RANBP2: variants seen among roughly 807,000 people sequenced by gnomAD.
The protein encoded by RANBP2 is E3 SUMO-protein ligase RanBP2.
In RANBP2, 57 loss-of-function variants were observed where a neutral mutation model predicts 303.6. That is an observed-to-expected ratio of 0.19 (90% CI 0.15 to 0.23). The LOEUF is 0.23. Ranked by LOEUF, RANBP2 falls within the 10% of genes least tolerant of loss-of-function variation. RANBP2 has a pLI of 1.00. For missense variants in RANBP2, 3,138 were observed against 3,780.8 expected (o/e 0.83, Z 4.46); for synonymous variants, 1,167 against 1,301.5 (o/e 0.90, Z 2.23).
the RANBP2 span, among the ~76,000 whole-genome samples, chr2:109,210,373 G>C: frequency 2.8e-4 from 42 of 152,298 alleles, no homozygotes; most frequent in South Asian, 8.7e-3. Flanking sequence ...GTCCAAAGCG[G>C]GAAAGCCTGG....
At chr2:109,042,168 C>G in the RANBP2 span, among the ~76,000 whole-genome samples, 4 of 152,158 alleles carry the variant, frequency 2.6e-5, no homozygotes, top group Non-Finnish European at 5.9e-5. Flanking sequence ...TTTTCCTAGT[C>G]TCAGAGCATT....
chr2:108,784,954 A>G lies in RANBP2; in HGVS notation c.*1053A>G, dbSNP rs1219482421. ...ACGTATTTGGAAATGGCTTGTATCA[A>G]ATGTTAGGCAAATTGCTAAAGAAAA... On this transcript the variant is annotated 3_prime_UTR_variant, in exon 29 of 29. Transcript: ENST00000283195. 1 of 152,234 alleles carries G rather than the reference A, an allele frequency of 6.6e-6. No individual in the cohort carries two copies. The highest frequency in any genetic ancestry group is 1.5e-5 in the Non-Finnish European group (1 of 68,034). 9.4% of individuals were successfully genotyped at this position (152,234 alleles called of 1,614,324 possible).
At chr2:109,113,591 T>C in the RANBP2 span, among the ~76,000 whole-genome samples, 3 of 152,224 alleles carry the variant, frequency 2.0e-5, no homozygotes, top group Admixed American at 1.3e-4. Context: ...CAGGGACAAT[T>C]TGACTTCCTC....
the RANBP2 span, among the ~76,000 whole-genome samples, chr2:109,630,409 A>G: frequency 1.2e-4 from 18 of 152,268 alleles, 1 homozygote; most frequent in South Asian, 3.7e-3. Context: ...CCAGGCAACC[A>G]GGGACCATCC....
chr2:109,544,151 G>T, the RANBP2 span: 13 of 1,551,330 alleles, frequency 8.4e-6, no homozygotes, highest in African/African-American at 1.4e-5. Flanking sequence ...TATTGACCTT[G>T]TACTTGAAAG....
At chr2:109,143,703 G>A in the RANBP2 span, among the ~76,000 whole-genome samples, 11 of 151,992 alleles carry the variant, frequency 7.2e-5, no homozygotes, top group South Asian at 2.1e-4. Context: ...GCAGTGAGCC[G>A]TGATCGCACC....
the RANBP2 span, among the ~76,000 whole-genome samples, chr2:108,865,112 T>G: frequency 1.3e-5 from 2 of 152,066 alleles, no homozygotes; most frequent in African/African-American, 4.8e-5. Context: ...TTCCTTTTTA[T>G]CACAGGAATG....
the RANBP2 span, among the ~76,000 whole-genome samples, chr2:108,903,326 T>C: frequency 2.0e-5 from 3 of 152,264 alleles, no homozygotes; most frequent in South Asian, 4.1e-4. Flanking sequence ...CAGATTGATA[T>C]ACAGTTTTGT....
the RANBP2 span, among the ~76,000 whole-genome samples, chr2:109,296,318 C>T: frequency 1.3e-5 from 2 of 152,096 alleles, no homozygotes; most frequent in South Asian, 4.1e-4. Context: ...ACCCCTGCCT[C>T]CCAGGTTCAA....
the RANBP2 span, among the ~76,000 whole-genome samples, chr2:109,208,385 A>T: frequency 6.6e-6 from 1 of 152,358 alleles, no homozygotes. Context: ...GTCTTCAGGG[A>T]TGGGCAGCTT....
intron 1 of RANBP2, among the ~76,000 whole-genome samples, chr2:108,725,770 C>T (rs1327384137): frequency 1.3e-5 from 2 of 149,962 alleles, no homozygotes; most frequent in Non-Finnish European, 3.0e-5. Flanking sequence ...TGTTCCTTTA[C>T]GTGCTGTCCT....
At chr2:109,586,195 T>G in the RANBP2 span, among the ~76,000 whole-genome samples, 1 of 152,298 alleles carries the variant, frequency 6.6e-6, no homozygotes. Context: ...TACATTAAAA[T>G]GTCAAGTGAA....
the RANBP2 span, among the ~76,000 whole-genome samples, chr2:109,059,575 C>CAA: frequency 2.5e-4 from 33 of 133,728 alleles, no homozygotes; most frequent in African/African-American, 7.1e-4. Flanking sequence ...GGCTCCGTCT[C>CAA]AAAAAAAAAA....
chr2:109,516,262 C>G, the RANBP2 span, among the ~76,000 whole-genome samples: 2 of 152,312 alleles, frequency 1.3e-5, no homozygotes, highest in African/African-American at 4.8e-5. Context: ...AGTCCCACCC[C>G]CTGTGCCCAG....
chr2:109,200,534 A>G, the RANBP2 span, among the ~76,000 whole-genome samples: 1 of 152,096 alleles, frequency 6.6e-6, no homozygotes, highest in Non-Finnish European at 1.5e-5. Context: ...CCCTGTGTGC[A>G]GAGCCTCCAG....
At chr2:109,485,121 C>G in the RANBP2 span, among the ~76,000 whole-genome samples, 1 of 152,248 alleles carries the variant, frequency 6.6e-6, no homozygotes, top group Non-Finnish European at 1.5e-5. Context: ...GAGTCCCTTT[C>G]TATCTGCTTC....
the RANBP2 span, among the ~76,000 whole-genome samples, chr2:109,671,352 G>C: frequency 6.6e-6 from 1 of 152,178 alleles, no homozygotes; most frequent in Admixed American, 6.5e-5. Flanking sequence ...AGGGAGGGCC[G>C]GTGCATTGAG....
the RANBP2 span, among the ~76,000 whole-genome samples, chr2:109,139,250 A>G: frequency 6.6e-6 from 1 of 152,236 alleles, no homozygotes; most frequent in Non-Finnish European, 1.5e-5. Flanking sequence ...CGTGCAGAGC[A>G]TCAAGAATGT....
chr2:108,952,224 T>C, the RANBP2 span, among the ~76,000 whole-genome samples: 2 of 152,112 alleles, frequency 1.3e-5, no homozygotes, highest in Non-Finnish European at 2.9e-5. Context: ...GGTGGGGAGG[T>C]ACAGGTGCTG....
Sources: gnomAD v4.1 joint callset for allele counts (sites outside exome capture counted in the v4.1 genomes callset) on GRCh38, gnomAD v4.1.1 for gene constraint, MANE v1.5 for transcripts, NCBI Gene and HGNC (gene_info 2026-07-23, HGNC 2026-07-21) for gene names.